PSD3: variants seen among roughly 807,000 people sequenced by gnomAD.
PSD3 encodes pleckstrin and Sec7 domain containing 3.
PSD3 carries 49 observed loss-of-function variants against 105.5 expected under a neutral mutation model. The ratio of observed to expected loss-of-function variants is 0.46; its 90% CI spans 0.37 to 0.59. PSD3 has a LOEUF of 0.59. Among genes scored for constraint, PSD3 ranks in the 20% least tolerant of loss-of-function variants. PSD3 has a pLI of 0.00. For missense variants in PSD3, 1,561 were observed against 1,263.8 expected (o/e 1.24, Z -3.57); for synonymous variants, 557 against 457.8 (o/e 1.22, Z -2.77).
At chr8:18,906,662 T>C (rs2129462513) in intron 2 of PSD3, among the ~76,000 whole-genome samples, 1 of 152,182 alleles carries the variant, frequency 6.6e-6, no homozygotes, top group East Asian at 1.9e-4. Flanking sequence ...AAACAATAAA[T>C]TGAACTAAGA....
chr8:18,857,066 A>G (rs755136273), intron 4 of PSD3, among the ~76,000 whole-genome samples: 10 of 152,218 alleles, frequency 6.6e-5, no homozygotes, highest in South Asian at 4.1e-4. Context: ...GGGACTCCCT[A>G]TCACCACCAC....
intron 1 of PSD3, among the ~76,000 whole-genome samples, chr8:18,947,952 C>A (rs921422205): frequency 6.6e-6 from 1 of 152,196 alleles, no homozygotes; most frequent in African/African-American, 2.4e-5. Context: ...ACAACTCCTT[C>A]ACTAACACAG....
At chr8:18,980,730 A>C (rs148522784) in intron 1 of PSD3, among the ~76,000 whole-genome samples, 2 of 152,234 alleles carry the variant, frequency 1.3e-5, no homozygotes, top group Middle Eastern at 3.4e-3. Context: ...TAGAAATTAC[A>C]ATAAACATAT....
chr8:19,083,793 CTG>C lies in PSD3; in HGVS notation c.324+411_324+412del, dbSNP rs549958616. 9.8e-5 allele frequency among the ~76,000 whole-genome samples: 15 copies of C among 152,288 alleles called. No individual in the cohort carries two copies. The East Asian group carries it at 2.7e-3, about 27-fold the overall frequency. On this transcript the variant is annotated intron_variant, in intron 1 of 1. Coordinates refer to the PSD3 transcript ENST00000521475. ...CACATCTCCATCCCCTCATCTGAAACTGGAGCTGTGGAGCTCTATTTCTCAAA... is the reference window on the plus strand; with the variant it reads ...CACATCTCCATCCCCTCATCTGAAACGAGCTGTGGAGCTCTATTTCTCAAA...
chr8:19,046,273 G>A (rs1162507737), intron 1 of PSD3, among the ~76,000 whole-genome samples: 3 of 152,002 alleles, frequency 2.0e-5, no homozygotes, highest in Non-Finnish European at 4.4e-5. Flanking sequence ...CACCACACCT[G>A]GGTAATTTTT....
intron 9 of PSD3, among the ~76,000 whole-genome samples, chr8:18,668,476 T>G (rs1341621960): frequency 6.6e-6 from 1 of 152,218 alleles, no homozygotes; most frequent in African/African-American, 2.4e-5. Context: ...TCACTTGATC[T>G]CACTGAACTC....
chr8:18,986,435 C>T (rs186322817), intron 1 of PSD3, among the ~76,000 whole-genome samples: 57 of 151,944 alleles, frequency 3.8e-4, no homozygotes, highest in Admixed American at 1.4e-3. Context: ...ATTATTACCC[C>T]ATTTTGTATC....
intron 9 of PSD3, among the ~76,000 whole-genome samples, chr8:18,689,181 T>G (rs1800830992): frequency 6.6e-6 from 1 of 152,192 alleles, no homozygotes; most frequent in Admixed American, 6.5e-5. Flanking sequence ...TACCAGATGC[T>G]GGGGACACAC....
intron 2 of PSD3, among the ~76,000 whole-genome samples, chr8:18,907,071 A>G (rs1217419448): frequency 6.6e-6 from 1 of 152,246 alleles, no homozygotes; most frequent in Non-Finnish European, 1.5e-5. Flanking sequence ...TCATTACAAA[A>G]TAGTCCAAAG....
At chr8:18,770,582 A>C (rs1023086610) in intron 8 of PSD3, among the ~76,000 whole-genome samples, 3 of 152,334 alleles carry the variant, frequency 2.0e-5, no homozygotes, top group African/African-American at 7.2e-5. Context: ...GGGAGCAAAC[A>C]GGTGAGTGGG....
At chr8:18,948,096 C>T (rs187147865) in intron 1 of PSD3, among the ~76,000 whole-genome samples, 11 of 152,236 alleles carry the variant, frequency 7.2e-5, no homozygotes, top group African/African-American at 2.4e-4. Flanking sequence ...AGAAGACGGG[C>T]GGACTTGGAC....
At chr8:18,828,201 T>C (rs989130661) in intron 4 of PSD3, among the ~76,000 whole-genome samples, 10 of 151,622 alleles carry the variant, frequency 6.6e-5, no homozygotes, top group African/African-American at 1.9e-4. Flanking sequence ...GTCACAGATT[T>C]GCCAAAGGAA....
At position 18,881,657 on chromosome 8, in the gene PSD3, G is replaced by T. The variant is rs999742196; in HGVS notation, c.131-8924C>A. 2.0e-5 allele frequency among the ~76,000 whole-genome samples: 3 copies of T among 152,128 alleles called. No homozygotes were observed. The South Asian group carries it at 6.2e-4, about 32-fold the overall frequency. ...TCACATCTATGCCTAGGTTCCTCAGGAGAGCCACAGTTACGGATTCTACAC... is the reference window on the plus strand; with the variant it reads ...TCACATCTATGCCTAGGTTCCTCAGTAGAGCCACAGTTACGGATTCTACAC... On this transcript the variant is annotated intron_variant, in intron 2 of 15. Coordinates refer to ENST00000327040, the MANE Select transcript of PSD3 (RefSeq NM_015310.4).
chr8:18,640,842 TG>T (rs1031737150), intron 10 of PSD3, among the ~76,000 whole-genome samples: 1 of 152,158 alleles, frequency 6.6e-6, no homozygotes, highest in Non-Finnish European at 1.5e-5. Context: ...ACTCGACACT[TG>T]CCCCCACTAC....
chr8:18,741,504 T>G (rs1444757676), intron 9 of PSD3, among the ~76,000 whole-genome samples: 1 of 152,070 alleles, frequency 6.6e-6, no homozygotes, highest in Non-Finnish European at 1.5e-5. Context: ...GAAGAAGAGT[T>G]TAAAAACAAT....
chr8:18,581,394 A>T (rs1258386170), intron 12 of PSD3, among the ~76,000 whole-genome samples: 2 of 152,156 alleles, frequency 1.3e-5, no homozygotes, highest in Non-Finnish European at 2.9e-5. Context: ...CACTGCAAGT[A>T]CTAGAAAAAA....
At chr8:18,909,579 A>G (rs1383652211) in intron 2 of PSD3, among the ~76,000 whole-genome samples, 2 of 152,132 alleles carry the variant, frequency 1.3e-5, no homozygotes, top group Non-Finnish European at 2.9e-5. Flanking sequence ...TCCTGGGCTC[A>G]AGCAATTCTC....
intron 4 of PSD3, among the ~76,000 whole-genome samples, chr8:18,837,799 A>G (rs888501993): frequency 6.6e-6 from 1 of 152,204 alleles, no homozygotes; most frequent in Non-Finnish European, 1.5e-5. Context: ...ATTTAAACAT[A>G]TTTAAAAAAA....
intron 4 of PSD3, among the ~76,000 whole-genome samples, chr8:18,822,143 T>C (rs917524249): frequency 6.6e-6 from 1 of 152,248 alleles, no homozygotes; most frequent in Admixed American, 6.5e-5. Context: ...ACACACTCTT[T>C]GTGAAACAGG....
Sources: allele counts gnomAD v4.1 joint callset (sites outside exome capture counted in the v4.1 genomes callset), GRCh38; gene constraint gnomAD v4.1.1; transcripts MANE v1.5; gene names NCBI Gene and HGNC (gene_info 2026-07-23, HGNC 2026-07-21).